The following XYLT1 variants were observed in gnomAD, a reference collection of about 807,000 sequenced individuals.
XYLT1 encodes the protein xylosyltransferase 1, also known as beta-D-xylosyltransferase 1.
A neutral mutation model predicts 91.3 loss-of-function variants in XYLT1; 36 were observed. The observed-to-expected ratio is 0.39, with a 90% CI of 0.30 to 0.52. The LOEUF (loss-of-function observed/expected upper bound fraction) is 0.52, where lower values mean the gene tolerates loss of function less well. Ranked by LOEUF, XYLT1 falls within the 20% of genes least tolerant of loss-of-function variation. The probability of loss-of-function intolerance (pLI) is 0.68; values close to 1 mark genes in which losing one functional copy is unlikely to be tolerated. For synonymous variants in XYLT1, 588 were observed against 532.0 expected (o/e 1.11, Z -1.45); for missense variants, 1,242 against 1,284.5 (o/e 0.97, Z 0.51).
intron 10 of XYLT1, among the ~76,000 whole-genome samples, chr16:17,123,620 T>A (rs555834525): frequency 1.3e-5 from 2 of 152,338 alleles, no homozygotes; most frequent in South Asian, 4.1e-4. Context: ...GAATGTTCCA[T>A]GTGCTGATGA....
chr16:17,200,697 T>C, intron 3 of XYLT1, 43 bp from the exon 4 acceptor site: 1 of 1,594,756 alleles, frequency 6.3e-7, no homozygotes, highest in South Asian at 1.1e-5. Context: ...AGTGAGGCTC[T>C]GCCATCCTTT....
chr16:17,443,270 T>C (rs1268264734), intron 1 of XYLT1, among the ~76,000 whole-genome samples: 8 of 152,216 alleles, frequency 5.3e-5, no homozygotes, highest in Admixed American at 4.6e-4. Flanking sequence ...ATATAAAATA[T>C]AAACATACAT....
At chr16:17,123,628 T>C (rs997456431) in intron 10 of XYLT1, among the ~76,000 whole-genome samples, 1 of 152,236 alleles carries the variant, frequency 6.6e-6, no homozygotes, top group Non-Finnish European at 1.5e-5. Flanking sequence ...CATGTGCTGA[T>C]GAACAGCATG....
At chr16:17,423,470 C>T (rs572479372) in intron 1 of XYLT1, among the ~76,000 whole-genome samples, 2 of 152,144 alleles carry the variant, frequency 1.3e-5, no homozygotes, top group Admixed American at 6.5e-5. Context: ...AATCAGCCTG[C>T]GATACAAAGG....
At chr16:17,252,119 A>C (rs901976880) in intron 3 of XYLT1, among the ~76,000 whole-genome samples, 5 of 145,808 alleles carry the variant, frequency 3.4e-5, no homozygotes, top group African/African-American at 1.3e-4. Flanking sequence ...GTGCAAAAGT[A>C]ATTGCAGAAA....
intron 1 of XYLT1, among the ~76,000 whole-genome samples, chr16:17,401,564 CTT>C (rs907951463): frequency 3.9e-5 from 6 of 152,144 alleles, no homozygotes; most frequent in African/African-American, 1.4e-4. Context: ...TTTAACCTCT[CTT>C]TGTCTCTGTT....
intron 2 of XYLT1, among the ~76,000 whole-genome samples, chr16:17,286,590 C>T (rs1045495614): frequency 2.0e-5 from 3 of 152,212 alleles, no homozygotes; most frequent in African/African-American, 7.2e-5. Flanking sequence ...TAGCTAGCCA[C>T]ACTTAGGCAC....
chr16:17,323,600 T>C (rs1459691523), intron 2 of XYLT1, among the ~76,000 whole-genome samples: 1 of 152,170 alleles, frequency 6.6e-6, no homozygotes. Flanking sequence ...GTCATCACGG[T>C]TCACTTTATT....
At chr16:17,168,457 C>A (rs1483430506) in intron 5 of XYLT1, among the ~76,000 whole-genome samples, 1 of 152,090 alleles carries the variant, frequency 6.6e-6, no homozygotes, top group Non-Finnish European at 1.5e-5. Context: ...AGGAGGAGGG[C>A]AAAGGCTGAA....
At chr16:17,379,891 G>A (rs1212550219) in intron 1 of XYLT1, among the ~76,000 whole-genome samples, 1 of 152,004 alleles carries the variant, frequency 6.6e-6, no homozygotes, top group African/African-American at 2.4e-5. Context: ...TTGAAAGATT[G>A]CTTAGGCTGA....
At chr16:17,403,760 C>G (rs997157839) in intron 1 of XYLT1, among the ~76,000 whole-genome samples, 39 of 152,232 alleles carry the variant, frequency 2.6e-4, no homozygotes, top group African/African-American at 9.2e-4. Flanking sequence ...GCCATGAAAG[C>G]TGTTCACAGC....
intron 2 of XYLT1, among the ~76,000 whole-genome samples, chr16:17,262,768 T>A (rs905434358): frequency 6.6e-6 from 1 of 152,126 alleles, no homozygotes; most frequent in African/African-American, 2.4e-5. Flanking sequence ...GAGTAGAGAC[T>A]CTACCAACCC....
At chr16:17,469,271 TCAGGATCCTGAAAC>T (rs1364480550) in intron 1 of XYLT1, among the ~76,000 whole-genome samples, 1 of 152,204 alleles carries the variant, frequency 6.6e-6, no homozygotes, top group Non-Finnish European at 1.5e-5. Context: ...CATTCAGTCT[TCAGGATCCTGAAAC>T]CATCCCCCTG....
intron 1 of XYLT1, among the ~76,000 whole-genome samples, chr16:17,375,144 T>A (rs1004942794): frequency 6.6e-6 from 1 of 152,184 alleles, no homozygotes. Flanking sequence ...AAGATTCAAG[T>A]TCCAGTCCGT....
intron 1 of XYLT1, among the ~76,000 whole-genome samples, chr16:17,445,057 T>A (rs752630393): frequency 6.6e-6 from 1 of 152,212 alleles, no homozygotes; most frequent in Non-Finnish European, 1.5e-5. Context: ...TGAAGTGCAG[T>A]AGCACGATCT....
At chr16:17,134,853 G>A (rs1381837232) in intron 8 of XYLT1, 118 bp from the exon 9 acceptor site, 19 of 1,245,302 alleles carry the variant, frequency 1.5e-5, no homozygotes, top group East Asian at 2.3e-5. Flanking sequence ...AATTAGCTCC[G>A]ATACTTTTTG....
chr16:17,138,817 T>G (rs905002646), intron 7 of XYLT1: 20 of 301,130 alleles, frequency 6.6e-5, no homozygotes, highest in African/African-American at 4.2e-4. Flanking sequence ...GTTCTCTGCA[T>G]GCATTTGAGG....
intron 2 of XYLT1, among the ~76,000 whole-genome samples, chr16:17,322,683 G>A (rs1195436489): frequency 6.6e-6 from 1 of 152,074 alleles, no homozygotes; most frequent in East Asian, 1.9e-4. Flanking sequence ...TACTTCCATT[G>A]TCTAGGACAC....
At chr16:17,342,205 C>T (rs1381312458) in intron 2 of XYLT1, among the ~76,000 whole-genome samples, 3 of 152,364 alleles carry the variant, frequency 2.0e-5, no homozygotes, top group Admixed American at 6.5e-5. Context: ...AACACACCAA[C>T]CACATTCTAT....
Sources: gnomAD v4.1 joint callset for allele counts (sites outside exome capture counted in the v4.1 genomes callset) on GRCh38, gnomAD v4.1.1 for gene constraint, MANE v1.5 for transcripts, NCBI Gene and HGNC (gene_info 2026-07-23, HGNC 2026-07-21) for gene names.